The following PGM5 variants were observed in gnomAD, a reference collection of about 807,000 sequenced individuals.
PGM5 encodes phosphoglucomutase-like protein 5.
A neutral mutation model predicts 59.2 loss-of-function variants in PGM5; 23 were observed. The ratio of observed to expected loss-of-function variants is 0.39; its 90% CI spans 0.28 to 0.55. The LOEUF (loss-of-function observed/expected upper bound fraction) is 0.55. PGM5 is among the 20% of genes least tolerant of loss of function. The probability of loss-of-function intolerance (pLI) is 0.66; values close to 1 mark genes in which losing one functional copy is unlikely to be tolerated. For missense variants in PGM5, 574 were observed against 748.3 expected, an observed-to-expected ratio of 0.77 and a Z score of 2.72; for synonymous variants, 214 against 286.0, an observed-to-expected ratio of 0.75 and a Z score of 2.54.
chr9:68,369,963 C>T (rs1230922499), intron 1 of PGM5, among the ~76,000 whole-genome samples: 4 of 152,082 alleles, frequency 2.6e-5, no homozygotes, highest in Non-Finnish European at 2.9e-5. Context: ...CCTGTTTACC[C>T]ATGGACAACA....
At chr9:68,406,690 A>G (rs577787229) in intron 6 of PGM5, among the ~76,000 whole-genome samples, 3 of 57,926 alleles carry the variant, frequency 5.2e-5, no homozygotes, top group Non-Finnish European at 1.0e-4. Flanking sequence ...ATATATATAT[A>G]TATATATATA....
chr9:68,431,705 T>C (rs1467928858), intron 6 of PGM5, among the ~76,000 whole-genome samples: 4 of 152,212 alleles, frequency 2.6e-5, no homozygotes, highest in African/African-American at 9.6e-5. Context: ...AGTTGGAGTC[T>C]ATTCCATCTT....
chr9:68,442,181 G>T (rs1222234150), intron 6 of PGM5, among the ~76,000 whole-genome samples: 1 of 152,186 alleles, frequency 6.6e-6, no homozygotes, highest in African/African-American at 2.4e-5. Context: ...ACAGGATATT[G>T]ATAGATATAA....
chr9:68,414,611 G>A (rs1822991407), intron 6 of PGM5, among the ~76,000 whole-genome samples: 2 of 151,588 alleles, frequency 1.3e-5, no homozygotes, highest in South Asian at 4.2e-4. Flanking sequence ...GAGAGGAGGT[G>A]CACGAGGAAA....
intron 6 of PGM5, among the ~76,000 whole-genome samples, chr9:68,434,071 C>T (rs1054566786): frequency 6.6e-6 from 1 of 152,110 alleles, no homozygotes; most frequent in East Asian, 1.9e-4. Context: ...AATCCCAGCA[C>T]TTTGGGAGGC....
intron 9 of PGM5, among the ~76,000 whole-genome samples, chr9:68,495,030 G>A (rs1824460755): frequency 2.0e-5 from 3 of 152,284 alleles, no homozygotes; most frequent in African/African-American, 7.2e-5. Flanking sequence ...CAGTGTGCCA[G>A]GCATTGTCCT....
At chr9:68,358,605 C>T (rs1554676003) in intron 1 of PGM5, among the ~76,000 whole-genome samples, 1 of 152,132 alleles carries the variant, frequency 6.6e-6, no homozygotes, top group East Asian at 1.9e-4. Flanking sequence ...GAACAATTCC[C>T]TGGCATTTGA....
chr9:68,387,395 T>A (rs1822250219), intron 3 of PGM5, 68 bp from the exon 4 acceptor site: 1 of 1,329,610 alleles, frequency 7.5e-7, no homozygotes, highest in East Asian at 2.3e-5. Context: ...GTAGTGATTC[T>A]TTTTATGCTT....
At chr9:68,522,059 G>A (rs1021320820) in intron 10 of PGM5, among the ~76,000 whole-genome samples, 7 of 152,104 alleles carry the variant, frequency 4.6e-5, no homozygotes, top group African/African-American at 9.7e-5. Context: ...GTTCAAGGCC[G>A]GCCTGGCCCA....
intron 6 of PGM5, among the ~76,000 whole-genome samples, chr9:68,417,712 A>G (rs1823058332): frequency 6.6e-6 from 1 of 152,188 alleles, no homozygotes; most frequent in Non-Finnish European, 1.5e-5. Flanking sequence ...TATTTGCTTC[A>G]GCTATAGCCG....
At chr9:68,405,095 A>C (rs1161348620) in intron 6 of PGM5, 2 of 152,194 alleles carry the variant, frequency 1.3e-5, no homozygotes, top group East Asian at 3.8e-4. Flanking sequence ...TTGTCTATGA[A>C]GATGGAAGAC....
At position 68,378,201 on chromosome 9, in the gene PGM5, T is replaced by C; in HGVS notation, c.264T>C (p.Ile88=). ...IVVQMAAANG[I]GRLIIGQNGI... The stretch of plus-strand genomic sequence containing the variant: ...ATTTTTTTTTTTGGATGGTTTAGAT[T>C]GGACGACTGATTATTGGACAGAATG... Residue 88 remains isoleucine, a splice_region_variant and synonymous_variant, in exon 2 of 11, where the codon ATT becomes ATC. Coordinates refer to ENST00000396396, the MANE Select transcript of PGM5 (RefSeq NM_021965.4). The C allele has an allele frequency of 6.4e-7, 1 of 1,552,000 alleles. No individual in the cohort carries two copies. Among genetic ancestry groups the C allele is most frequent in the Admixed American group, 2.0e-5 (1 of 48,840 alleles).
rs782097163 is a variant in PGM5 at position 68,479,567 on chromosome 9, G to A, written c.1295+14G>A. On this transcript the variant is annotated intron_variant, in intron 8 of 10. Coordinates refer to ENST00000396396, the MANE Select transcript of PGM5 (RefSeq NM_021965.4). ...CTACTATTGCAGGTGAGGAGAAGGG[G>A]AAGGGTCTCTGTATGGACCCTGAAG... 3 of 1,613,258 alleles carry A rather than the reference G, an allele frequency of 1.9e-6. No individual in the cohort carries two copies. The highest frequency in any genetic ancestry group is 2.5e-6 in the Non-Finnish European group (3 of 1,179,446).
At chr9:68,495,493 G>A (rs1554688092) in intron 9 of PGM5, among the ~76,000 whole-genome samples, 1 of 152,180 alleles carries the variant, frequency 6.6e-6, no homozygotes, top group Non-Finnish European at 1.5e-5. Context: ...CCTAATACTT[G>A]GCTCTTGAAG....
At chr9:68,419,810 T>C (rs1023156032) in intron 6 of PGM5, among the ~76,000 whole-genome samples, 5 of 152,156 alleles carry the variant, frequency 3.3e-5, no homozygotes, top group Non-Finnish European at 7.4e-5. Flanking sequence ...TGGATGGCCT[T>C]TTCCCCTCTT....
At chr9:68,490,479 C>T (rs1471027057) in intron 9 of PGM5, among the ~76,000 whole-genome samples, 1 of 152,164 alleles carries the variant, frequency 6.6e-6, no homozygotes, top group Non-Finnish European at 1.5e-5. Flanking sequence ...CTCAGCCCCC[C>T]GAGTAGCTGG....
intron 6 of PGM5, among the ~76,000 whole-genome samples, chr9:68,434,963 G>A (rs986227262): frequency 1.3e-5 from 2 of 152,192 alleles, no homozygotes; most frequent in Admixed American, 1.3e-4. Flanking sequence ...GGAAACACTT[G>A]CATCCTAAGT....
chr9:68,477,414 T>C (rs1564016133), intron 7 of PGM5, among the ~76,000 whole-genome samples: 1 of 152,242 alleles, frequency 6.6e-6, no homozygotes, highest in Non-Finnish European at 1.5e-5. Context: ...TTGTCAAAGA[T>C]GTTTGACTTA....
chr9:68,528,434 G>A (rs763082450), intron 10 of PGM5, among the ~76,000 whole-genome samples: 5 of 152,112 alleles, frequency 3.3e-5, no homozygotes, highest in South Asian at 2.1e-4. Flanking sequence ...GTAGAGATGC[G>A]GTCTATGTTG....
Sources: allele counts gnomAD v4.1 joint callset (sites outside exome capture counted in the v4.1 genomes callset), GRCh38; gene constraint gnomAD v4.1.1; transcripts MANE v1.5; gene names NCBI Gene and HGNC (gene_info 2026-07-23, HGNC 2026-07-21).